GSE1: variants seen among roughly 807,000 people sequenced by gnomAD.
GSE1 encodes genetic suppressor element 1.
Under a neutral mutation model 112.6 loss-of-function variants are expected in GSE1, and 32 were observed. The ratio of observed to expected loss-of-function variants is 0.28; its 90% CI spans 0.21 to 0.38. The LOEUF (loss-of-function observed/expected upper bound fraction) is 0.38, where lower values mean the gene tolerates loss of function less well. Among genes scored for constraint, GSE1 ranks in the 10% least tolerant of loss-of-function variants. GSE1 has a pLI of 1.00. For synonymous variants in GSE1, 1,115 were observed against 735.6 expected, an observed-to-expected ratio of 1.52 and a Z score of -8.35; for missense variants, 2,348 against 1,699.2, an observed-to-expected ratio of 1.38 and a Z score of -6.71.
At chr16:85,631,935 C>T (rs1195268307) in intron 1 of GSE1, among the ~76,000 whole-genome samples, 1 of 152,274 alleles carries the variant, frequency 6.6e-6, no homozygotes, top group East Asian at 1.9e-4. Flanking sequence ...GGGGGACACG[C>T]AGAGGCCAGG....
chr16:85,440,704 T>G (rs73259400), intron 2 of GSE1, among the ~76,000 whole-genome samples: 12,603 of 152,252 alleles, frequency 0.083, 896 homozygotes, highest in African/African-American at 0.2. Flanking sequence ...TAAGTTCTGG[T>G]GCTGAGGCCC....
chr16:85,329,804 A>T (rs1002728306), intron 1 of GSE1, among the ~76,000 whole-genome samples: 31 of 149,328 alleles, frequency 2.1e-4, no homozygotes, highest in African/African-American at 6.2e-4. Flanking sequence ...AACTCCAGGG[A>T]CTGCCTGGGA....
chr16:85,383,033 C>A (rs988957321), intron 2 of GSE1, among the ~76,000 whole-genome samples: 4 of 151,632 alleles, frequency 2.6e-5, no homozygotes, highest in African/African-American at 9.7e-5. Context: ...CACACATGCA[C>A]ACACACACCG....
rs950250106 is a variant in GSE1 at position 85,373,948 on chromosome 16, G to A, written c.2464+16305G>A. 6.6e-6 allele frequency among the ~76,000 whole-genome samples: 1 copy of A among 152,210 alleles called. No homozygotes were observed. The highest frequency in any genetic ancestry group is 2.4e-5 in the African/African-American group (1 of 41,444). ...TCCCCGCAGGCCCTGTCAGGTCAGC[G>A]GCGCCTTATCCATCGCCCCACGGTG... On this transcript the variant is annotated intron_variant, in intron 2 of 2. Transcript: ENST00000637419. The surrounding 1 kb of genome is among the most constrained non-coding windows in gnomAD (Gnocchi z 5.1).
chr16:85,656,443 G>A lies in GSE1; in HGVS notation c.1090G>A (p.Glu364Lys), dbSNP rs1472944476. Residue 364 changes from glutamate to lysine, a missense_variant, in exon 7 of 16, where the codon GAA becomes AAA. Physicochemically the swap from Glu to Lys is moderately conservative, Grantham distance 56 (BLOSUM62 1). Coordinates refer to ENST00000253458, the MANE Select transcript of GSE1 (RefSeq NM_014615.5). ...CGAGCGGGAGAAGGAACGTGAGCGC[G>A]AACGCGAGAAGGAGCGCGAGCAAGA... is the stretch of plus-strand genomic sequence containing the variant. ...DREREKERER[E>K]REKEREQEKE... 16 of 1,558,492 alleles carry A rather than the reference G, an allele frequency of 1.0e-5. No individual in the cohort carries two copies. The highest frequency in any genetic ancestry group is 1.9e-5 in the Admixed American group (1 of 53,248).
At chr16:85,318,214 C>G (rs1295309652) in intron 1 of GSE1, among the ~76,000 whole-genome samples, 1 of 152,202 alleles carries the variant, frequency 6.6e-6, no homozygotes, top group African/African-American at 2.4e-5. Context: ...TGAAGTTTGG[C>G]TGTGTCTGGA....
rs191795886 is a variant in GSE1, at chr16:85,623,159, A to G, written c.7+9761A>G. ...ATTCTCGTTTAAACAACACAGCGTG[A>G]TTTCAGGTCAAATAAAAACAGGTTG... On this transcript the variant is annotated intron_variant, in intron 1 of 15. Transcript: ENST00000253458. Among the ~76,000 whole-genome samples the G allele has an allele frequency of 1.5e-4, 22 of 151,146 alleles. No homozygotes were observed. The East Asian group carries it at 2.7e-3, about 19-fold the overall frequency.
At chr16:85,648,524 A>G in intron 2 of GSE1, 28 bp from the exon 3 acceptor site, 1 of 1,331,966 alleles carries the variant, frequency 7.5e-7, no homozygotes, top group South Asian at 1.4e-5. Flanking sequence ...TGCGGCTCCC[A>G]CTCAGGCCAC....
At chr16:85,247,816 G>A (rs1224577560) in intron 1 of GSE1, among the ~76,000 whole-genome samples, 1 of 152,232 alleles carries the variant, frequency 6.6e-6, no homozygotes, top group Admixed American at 6.5e-5. Flanking sequence ...GCTGGTCTTT[G>A]AGTGCAGTGG....
At chr16:85,647,570 C>T (rs1456869288) in intron 2 of GSE1, among the ~76,000 whole-genome samples, 1 of 152,256 alleles carries the variant, frequency 6.6e-6, no homozygotes, top group South Asian at 2.1e-4. Flanking sequence ...TGGCTGGGCC[C>T]CGTAGAGGGG....
chr16:85,181,478 C>T (rs1194104455), intron 1 of GSE1, among the ~76,000 whole-genome samples: 2 of 152,180 alleles, frequency 1.3e-5, no homozygotes, highest in African/African-American at 4.8e-5. Context: ...CTGGTGGGGG[C>T]CTGGCTTCCA....
At chr16:85,548,380 C>G (rs893135172) in intron 2 of GSE1, among the ~76,000 whole-genome samples, 9 of 149,098 alleles carry the variant, frequency 6.0e-5, no homozygotes, top group South Asian at 2.1e-4. Flanking sequence ...TAAACTAGGT[C>G]TTATTTCTAT....
At chr16:85,422,526 C>T (rs2048872542) in intron 2 of GSE1, among the ~76,000 whole-genome samples, 1 of 151,936 alleles carries the variant, frequency 6.6e-6, no homozygotes. Flanking sequence ...GCGGGAGTCC[C>T]CTTGTACACA....
At chr16:85,180,226 C>T (rs1264652858) in intron 1 of GSE1, among the ~76,000 whole-genome samples, 4 of 152,236 alleles carry the variant, frequency 2.6e-5, no homozygotes, top group Non-Finnish European at 4.4e-5. Flanking sequence ...ATTGGAGTGG[C>T]ACAAAGGCCG....
chr16:85,393,382 A>G lies in GSE1; in HGVS notation c.2464+35739A>G, dbSNP rs2047890585. On this transcript the variant is annotated intron_variant, in intron 2 of 2. Transcript: ENST00000637419. ...CACACCCTCTCAGGGCTCCCAGCCC[A>G]AATGACCTGGTGTCTGTGATTGATG... Among the ~76,000 whole-genome samples the G allele has an allele frequency of 3.9e-5, 6 of 152,346 alleles. No homozygotes were observed. The South Asian group carries it at 1.2e-3, about 32-fold the overall frequency.
intron 1 of GSE1, among the ~76,000 whole-genome samples, chr16:85,597,726 C>T (rs922888500): frequency 1.3e-5 from 2 of 152,222 alleles, no homozygotes; most frequent in East Asian, 1.9e-4. Context: ...CTGCCTTGGC[C>T]TCCCAAAGTG....
chr16:85,572,094 T>TACCACACACAC (rs903383417), intron 1 of GSE1, among the ~76,000 whole-genome samples: 10 of 137,540 alleles, frequency 7.3e-5, no homozygotes, highest in African/African-American at 2.7e-4. Flanking sequence ...ACACCCCACA[T>TACCACACACAC]ACCACACACA....
intron 1 of GSE1, among the ~76,000 whole-genome samples, chr16:85,342,177 C>T (rs995444177): frequency 5.9e-5 from 9 of 151,820 alleles, no homozygotes; most frequent in African/African-American, 1.9e-4. Context: ...ACTGTGTTTC[C>T]ATGATCCCGT....
In GSE1 at chr16:85,426,056, T is replaced by TGGATGGAA. The variant is rs1555510019; in HGVS notation, c.2464+68420_2464+68421insAGGATGGA. On this transcript the variant is annotated intron_variant, in intron 2 of 2. Transcript: ENST00000637419. ...ATGGATGGATGGATGGATGGATGGA[T>TGGATGGAA]GGATGGATGGATGGATGGGTAGATG... Among the ~76,000 whole-genome samples, 24 of 144,142 alleles carry TGGATGGAA rather than the reference T, an allele frequency of 1.7e-4. No homozygotes were observed. In the East Asian group the frequency reaches 1.9e-3, roughly 11 times the overall value. The allele number at this position is 144,142 out of a possible 152,430, so 94.6% of individuals were successfully genotyped here.
Sources: gnomAD v4.1 joint callset for allele counts (sites outside exome capture counted in the v4.1 genomes callset) on GRCh38, gnomAD v4.1.1 for gene constraint, Gnocchi (gnomAD v3.1) non-coding constraint, MANE v1.5 for transcripts, NCBI Gene and HGNC (gene_info 2026-07-23, HGNC 2026-07-21) for gene names.